Variants in RNF123 observed in about 807,000 individuals in gnomAD.
RNF123 encodes E3 ubiquitin-protein ligase RNF123.
In RNF123, 86 loss-of-function variants were observed where a neutral mutation model predicts 168.5. The observed-to-expected ratio is 0.51, with a 90% CI of 0.43 to 0.61. The LOEUF (loss-of-function observed/expected upper bound fraction) is 0.61. RNF123 is among the 20% of genes least tolerant of loss of function. The probability of loss-of-function intolerance (pLI) is 0.00; values close to 1 mark genes in which losing one functional copy is unlikely to be tolerated. For synonymous variants in RNF123, 666 were observed against 689.1 expected (o/e 0.97, Z 0.52); for missense variants, 1,419 against 1,729.7 (o/e 0.82, Z 3.19).
chr3:49,704,688 C>T lies in RNF123; in HGVS notation c.1891C>T (p.Leu631=), dbSNP rs1393195678. The change falls in exon 22 of 39, where the codon CTG becomes TTG. Residue 631 remains leucine (L), a synonymous_variant. Coordinates refer to ENST00000327697, the MANE Select transcript of RNF123 (RefSeq NM_022064.5). ...ASKANIVIDP[L]ELQSTAMDDL... ...CAAAGCCAACATTGTGATCGACCCA[C>T]TGGAGCTCCAGTCAACCGCCATGGA... 1.2e-6 allele frequency: 2 copies of T among 1,608,910 alleles called. No homozygotes were observed. Among genetic ancestry groups the T allele is most frequent in the Non-Finnish European group, 1.7e-6 (2 of 1,177,672 alleles).
At chr3:49,717,004 CCGCCTCAGCCA>C (rs1176599251) in intron 35 of RNF123, 1 of 155,566 alleles carries the variant, frequency 6.4e-6, no homozygotes, top group East Asian at 1.9e-4. Context: ...AGCCAGGGTA[CCGCCTCAGCCA>C]TTAGGCTGAG....
At chr3:49,700,955 C>T (rs2054370590) in intron 15 of RNF123, among the ~76,000 whole-genome samples, 1 of 152,256 alleles carries the variant, frequency 6.6e-6, no homozygotes, top group Non-Finnish European at 1.5e-5. Flanking sequence ...TGGGAGGGGC[C>T]ACAGGGCCTG....
rs963056187 is a variant in RNF123, at chr3:49,720,433, T to G, written c.3501-78T>G. On this transcript the variant is annotated intron_variant, in intron 35 of 38. Coordinates refer to ENST00000327697, the MANE Select transcript of RNF123 (RefSeq NM_022064.5). ...GGTGATCATGTACGAGCCATGGCAC[T>G]CCTCATTGGCAATCCCAAGAGAGAC... 18 of 1,418,044 alleles carry G rather than the reference T, an allele frequency of 1.3e-5. No individual in the cohort carries two copies. The African/African-American group carries it at 1.6e-4, about 12-fold the overall frequency. The allele number at this position is 1,418,044 out of a possible 1,614,324, so 87.8% of individuals were successfully genotyped here.
At chr3:49,694,642 C>G (rs2054232223) in intron 3 of RNF123, among the ~76,000 whole-genome samples, 1 of 152,244 alleles carries the variant, frequency 6.6e-6, no homozygotes, top group South Asian at 2.1e-4. Context: ...CTCTCACCCC[C>G]TCATCAGCCT....
At chr3:49,718,868 CGGA>C (rs989129211) in intron 35 of RNF123, 2 of 1,613,330 alleles carry the variant, frequency 1.2e-6, no homozygotes, top group African/African-American at 1.3e-5. Context: ...AGCTCAGGTA[CGGA>C]GATGTGTCCC....
At chr3:49,712,934 A>G (rs888543982) in intron 27 of RNF123, 4 of 703,016 alleles carry the variant, frequency 5.7e-6, no homozygotes, top group African/African-American at 3.5e-5. Context: ...TCCTAGTGCT[A>G]TGAGCAACTG....
At position 49,700,689 on chromosome 3, in the gene RNF123, G is replaced by A. The variant is rs769731180; in HGVS notation, c.1257G>A (p.Lys419=). ...IAILRHEKSR[K]FLLSNVLFDV... ...TCCTGAGGCATGAGAAGTCCCGCAA[G>A]TTTCTGCTTAGCAATGTCCTGTATC... The change falls in exon 15 of 39, where the codon AAG becomes AAA. Residue 419 remains lysine, a synonymous_variant. Transcript: ENST00000327697. 5.0e-6 allele frequency: 8 copies of A among 1,614,114 alleles called. No individual in the cohort carries two copies. The highest frequency in any genetic ancestry group is 3.4e-6 in the Non-Finnish European group (4 of 1,180,058).
chr3:49,700,382 T>C, intron 13 of RNF123, 30 bp downstream of exon 13: 1 of 1,613,328 alleles, frequency 6.2e-7, no homozygotes, highest in Non-Finnish European at 8.5e-7. Flanking sequence ...GCCTCAGGCC[T>C]GGCTGTCAGT....
intron 3 of RNF123, among the ~76,000 whole-genome samples, chr3:49,692,768 C>T (rs750682836): frequency 3.1e-4 from 47 of 152,160 alleles, no homozygotes; most frequent in Non-Finnish European, 4.7e-4. Context: ...ACATAATGAC[C>T]TCCAGTTCCA....
intron 35 of RNF123, chr3:49,717,904 G>A (rs1318725661): frequency 6.4e-7 from 1 of 1,567,908 alleles, no homozygotes; most frequent in Middle Eastern, 1.9e-4. Flanking sequence ...AGGGAGCAGG[G>A]CGAGCAGCAA....
At chr3:49,713,483 G>A (rs757327694) in intron 27 of RNF123, 30 bp from the exon 28 acceptor site, 6 of 1,579,300 alleles carry the variant, frequency 3.8e-6, no homozygotes, top group Non-Finnish European at 5.2e-6. Context: ...CCCACTCCCA[G>A]CCGACACGTC....
At position 49,712,518 on chromosome 3, in the gene RNF123, C is replaced by T. The variant is rs768867342; in HGVS notation, c.2536C>T (p.Leu846=). Residue 846 remains leucine (L), a synonymous_variant, in exon 27 of 39, where the codon CTG becomes TTG. Transcript: ENST00000327697. ...LDIYWLLRVC[L]RTIEHGDRTG... is the part of the protein sequence containing the mutation. ...CATCTACTGGCTGCTGCGCGTCTGC[C>T]TGCGGACCATTGAGCACGGTGATCG... The T allele has an allele frequency of 6.2e-7, 1 of 1,614,198 alleles. No homozygotes were observed. Among genetic ancestry groups the T allele is most frequent in the East Asian group, 2.2e-5 (1 of 44,880 alleles).
intron 16 of RNF123, 33 bp from the exon 17 acceptor site, chr3:49,701,778 C>A (rs1381349904): frequency 6.5e-7 from 1 of 1,549,710 alleles, no homozygotes; most frequent in Non-Finnish European, 8.8e-7. Context: ...TCCCAGGTGA[C>A]CCTGCTGTAT....
chr3:49,721,238 C>T lies in RNF123; in HGVS notation c.3878C>T (p.Thr1293Ile), dbSNP rs757787801. ...MNNKDCFFCK[T>I]TIVSVEDWEK... ...AACAAGGACTGCTTCTTCTGCAAAA[C>T]CACCATCGTGTCTGTAGAGGACTGG... The change falls in exon 39 of 39, where the codon ACC becomes ATC. Residue 1293 changes from threonine to isoleucine, a missense_variant. Around this residue, in one of 5 missense-constraint regions of RNF123, gnomAD observed 50 missense variants for 77.2 expected, o/e 0.65. Transcript: ENST00000327697. 2 of 1,614,108 alleles carry T rather than the reference C, an allele frequency of 1.2e-6. No homozygotes were observed. Among genetic ancestry groups the T allele is most frequent in the Non-Finnish European group, 1.7e-6 (2 of 1,180,042 alleles).
chr3:49,718,523 G>A, intron 35 of RNF123: 1 of 1,613,180 alleles, frequency 6.2e-7, no homozygotes, highest in Non-Finnish European at 8.5e-7. Flanking sequence ...AGCTCCTGCT[G>A]CGGCGAAACC....
At chr3:49,718,175 C>T (rs1408021786) in intron 35 of RNF123, 1 of 1,613,146 alleles carries the variant, frequency 6.2e-7, no homozygotes, top group Non-Finnish European at 8.5e-7. Context: ...GAGGACTGTG[C>T]GCTCAGCTCT....
At chr3:49,712,984 C>G in intron 27 of RNF123, 1 of 699,474 alleles carries the variant, frequency 1.4e-6, no homozygotes, top group Non-Finnish European at 2.6e-6. Context: ...CCTTGACTCC[C>G]TGGCACTGGT....
In RNF123 at chr3:49,707,659, C is replaced by T. The variant is rs143460206; in HGVS notation, c.2496+761C>T. The stretch of plus-strand genomic sequence containing the variant: ...GCATACCCCTGCATGACTGGGTGAT[C>T]GAGGCCTTTGGTATCCCCATTTCTA... On this transcript the variant is annotated intron_variant, in intron 26 of 38. Transcript: ENST00000327697. Among the ~76,000 whole-genome samples, 415 of 152,216 alleles carry T rather than the reference C, an allele frequency of 2.7e-3. 3 individuals carry two copies. The highest frequency in any genetic ancestry group is 9.3e-3 in the African/African-American group (385 of 41,520).
At position 49,716,446 on chromosome 3, in the gene RNF123, G is replaced by A. The variant is rs200240656; in HGVS notation, c.3469G>A (p.Val1157Met). 2.5e-6 allele frequency: 4 copies of A among 1,614,080 alleles called. No individual in the cohort carries two copies. Among genetic ancestry groups the A allele is most frequent in the Non-Finnish European group, 2.5e-6 (3 of 1,179,988 alleles). The change falls in exon 35 of 39, where the codon GTG (valine) becomes ATG (methionine). Residue 1157 changes from valine to methionine, a missense_variant. Coordinates refer to ENST00000327697, the MANE Select transcript of RNF123 (RefSeq NM_022064.5). ...PILVAVTGIL[V>M]QLLVRGPASE... ...TCTGGTGGCAGTGACGGGCATCCTG[G>A]TGCAGCTCCTGGTGCGTGGCCCAGC...
Sources: gnomAD v4.1 joint callset for allele counts (sites outside exome capture counted in the v4.1 genomes callset) on GRCh38, gnomAD v4.1.1 for gene constraint, gnomAD v4.1.1 regional missense constraint, MANE v1.5 for transcripts, NCBI Gene and HGNC (gene_info 2026-07-23, HGNC 2026-07-21) for gene names.